RUNX1: variants seen among roughly 807,000 people sequenced by gnomAD.
RUNX1 encodes the protein RUNX family transcription factor 1, also known as runt-related transcription factor 1.
A neutral mutation model predicts 42.8 loss-of-function variants in RUNX1; 19 were observed. That is an observed-to-expected ratio of 0.44 (90% CI 0.31 to 0.65). RUNX1 has a LOEUF of 0.65. Among genes scored for constraint, RUNX1 ranks in the 30% least tolerant of loss-of-function variants. The pLI, the probability that RUNX1 is intolerant of heterozygous loss-of-function variation, is 0.07. For synonymous variants in RUNX1, 271 were observed against 289.4 expected, an observed-to-expected ratio of 0.94 and a Z score of 0.64; for missense variants, 528 against 672.0, an observed-to-expected ratio of 0.79 and a Z score of 2.37.
intron 6 of RUNX1, 30 bp from the exon 7 acceptor site, chr21:34,834,631 T>C (rs777545581): frequency 2.1e-6 from 2 of 974,518 alleles, no homozygotes; most frequent in Non-Finnish European, 3.1e-6. Context: ...GGGGAGGGGA[T>C]GGGGGGAGGG....
In RUNX1 at chr21:35,047,547, A is replaced by ACTCTCTCT. The variant is rs1568814239; in HGVS notation, c.58+1294_58+1295insAGAGAGAG. The stretch of plus-strand genomic sequence containing the variant: ...CACACACACACACACACACACACAC[A>ACTCTCTCT]CACACACACACACACTCTCTCTCTC... On this transcript the variant is annotated intron_variant, in intron 2 of 8. Coordinates refer to ENST00000675419, the MANE Select transcript of RUNX1 (RefSeq NM_001754.5). Among the ~76,000 whole-genome samples, 79 of 123,168 alleles carry ACTCTCTCT rather than the reference A, an allele frequency of 6.4e-4. 1 individual carries two copies. Among genetic ancestry groups the ACTCTCTCT allele is most frequent in the East Asian group, 1.7e-3 (6 of 3,438 alleles). The allele number at this position is 123,168 out of a possible 152,430, so 80.8% of individuals were successfully genotyped here. A position where few individuals can be genotyped will look rare whatever the true frequency, so the allele number is the denominator to read the frequency against.
At chr21:34,922,501 CT>C (rs1169527431) in intron 2 of RUNX1, among the ~76,000 whole-genome samples, 1 of 152,156 alleles carries the variant, frequency 6.6e-6, no homozygotes, top group Non-Finnish European at 1.5e-5. Flanking sequence ...CTTAACTACT[CT>C]GTTACATTGA....
chr21:35,034,742 G>A (rs1405046727), intron 2 of RUNX1, among the ~76,000 whole-genome samples: 1 of 152,168 alleles, frequency 6.6e-6, no homozygotes, highest in Non-Finnish European at 1.5e-5. Context: ...GGCGAGGTCG[G>A]GAAACCCTGT....
At chr21:34,889,685 C>A (rs1327710142) in intron 3 of RUNX1, 4 of 1,164,632 alleles carry the variant, frequency 3.4e-6, no homozygotes, top group African/African-American at 1.6e-5. Context: ...ACCCCGGCTT[C>A]GCGTGCGGGC....
chr21:34,797,895 G>A (rs1323992376), intron 8 of RUNX1, among the ~76,000 whole-genome samples: 2 of 152,176 alleles, frequency 1.3e-5, no homozygotes, highest in Non-Finnish European at 2.9e-5. Context: ...TAACTGGGGT[G>A]AGGGGGATGC....
At chr21:34,823,929 T>A (rs1198321337) in intron 7 of RUNX1, among the ~76,000 whole-genome samples, 1 of 152,198 alleles carries the variant, frequency 6.6e-6, no homozygotes, top group African/African-American at 2.4e-5. Flanking sequence ...CATAACAGGA[T>A]CTACGGAGAT....
At chr21:34,806,732 A>G (rs2056685659) in intron 7 of RUNX1, among the ~76,000 whole-genome samples, 1 of 152,176 alleles carries the variant, frequency 6.6e-6, no homozygotes, top group South Asian at 2.1e-4. Context: ...GCCACAAAAC[A>G]CACTTTAAGA....
intron 2 of RUNX1, among the ~76,000 whole-genome samples, chr21:34,960,212 T>C (rs2058672843): frequency 6.6e-6 from 1 of 152,192 alleles, no homozygotes; most frequent in Non-Finnish European, 1.5e-5. Flanking sequence ...CATTTCCTGT[T>C]CTTCCTGGGT....
At chr21:34,797,315 G>A (rs1326103047) in intron 8 of RUNX1, among the ~76,000 whole-genome samples, 2 of 152,220 alleles carry the variant, frequency 1.3e-5, no homozygotes, top group African/African-American at 2.4e-5. Context: ...GGTGATTGAA[G>A]TCCAGGATAT....
intron 3 of RUNX1, among the ~76,000 whole-genome samples, chr21:34,890,072 C>T (rs1601537022): frequency 6.6e-6 from 1 of 152,124 alleles, no homozygotes; most frequent in Non-Finnish European, 1.5e-5. Context: ...GCCGCTGCCG[C>T]GCAGGGACTG....
chr21:34,835,855 CT>C (rs972697453), intron 6 of RUNX1, among the ~76,000 whole-genome samples: 8 of 152,222 alleles, frequency 5.3e-5, no homozygotes, highest in Non-Finnish European at 1.2e-4. Context: ...CTTGATTCCA[CT>C]CCCGCAGCCT....
At position 35,048,903 on chromosome 21, in the gene RUNX1, T is replaced by C; in HGVS notation, c.-4A>G. 6.2e-7 allele frequency: 1 copy of C among 1,613,820 alleles called. No homozygotes were observed. Among genetic ancestry groups the C allele is most frequent in the Non-Finnish European group, 8.5e-7 (1 of 1,179,788 alleles). On this transcript the variant is annotated 5_prime_UTR_variant, in exon 2 of 9. Coordinates refer to ENST00000675419, the MANE Select transcript of RUNX1 (RefSeq NM_001754.5). ...CAAATATGCTGTCTGAAGCCATCGCTTCCTCCTGAAAATGCACCCTCTTCT... is the reference window on the plus strand; with the variant it reads ...CAAATATGCTGTCTGAAGCCATCGCCTCCTCCTGAAAATGCACCCTCTTCT...
intron 7 of RUNX1, chr21:34,821,355 A>G (rs1253377580): frequency 4.5e-5 from 54 of 1,205,708 alleles, no homozygotes; most frequent in Non-Finnish European, 5.5e-5. Flanking sequence ...TTTGATAAAA[A>G]TATATCTCAA....
At chr21:34,861,628 TC>T (rs2057577536) in intron 5 of RUNX1, among the ~76,000 whole-genome samples, 1 of 151,286 alleles carries the variant, frequency 6.6e-6, no homozygotes, top group South Asian at 2.1e-4. Flanking sequence ...CATACCTGAC[TC>T]CCAGTGTGCA....
chr21:34,984,548 T>C (rs2058870984), intron 2 of RUNX1, among the ~76,000 whole-genome samples: 2 of 152,132 alleles, frequency 1.3e-5, no homozygotes, highest in Non-Finnish European at 2.9e-5. Context: ...GAGGAAGTGG[T>C]GGCAAAAGGA....
intron 6 of RUNX1, among the ~76,000 whole-genome samples, chr21:34,852,591 CA>C (rs1405951704): frequency 6.6e-6 from 1 of 152,188 alleles, no homozygotes; most frequent in African/African-American, 2.4e-5. Flanking sequence ...TTAAAAGTAC[CA>C]GGGGGAAGTT....
rs182599065 is a variant in RUNX1, at chr21:35,017,467, C to T, written c.58+31375G>A. Among the ~76,000 whole-genome samples, 112 of 152,228 alleles carry T rather than the reference C, an allele frequency of 7.4e-4. 3 individuals carry two copies. The highest frequency in any genetic ancestry group is 2.4e-3 in the African/African-American group (99 of 41,532). On this transcript the variant is annotated intron_variant, in intron 2 of 8. Coordinates refer to ENST00000675419, the MANE Select transcript of RUNX1 (RefSeq NM_001754.5). ...TTAGGGATCAGGCTCATTTTACACACGCCTAAGCAACTGGAAAACATGAGA... is the reference window on the plus strand; with the variant it reads ...TTAGGGATCAGGCTCATTTTACACATGCCTAAGCAACTGGAAAACATGAGA...
chr21:34,999,102 G>T (rs1056600339), intron 2 of RUNX1, among the ~76,000 whole-genome samples: 1 of 152,210 alleles, frequency 6.6e-6, no homozygotes, highest in Non-Finnish European at 1.5e-5. Flanking sequence ...CAGGCCTTTG[G>T]GTGAGCAGGG....
intron 6 of RUNX1, among the ~76,000 whole-genome samples, chr21:34,854,500 G>A (rs761648041): frequency 1.1e-4 from 17 of 151,520 alleles, no homozygotes; most frequent in Non-Finnish European, 2.2e-4. Context: ...CAGGAGACTC[G>A]CTAGAACCTG....
Sources: gnomAD v4.1 joint callset for allele counts (sites outside exome capture counted in the v4.1 genomes callset) on GRCh38, gnomAD v4.1.1 for gene constraint, MANE v1.5 for transcripts, NCBI Gene and HGNC (gene_info 2026-07-23, HGNC 2026-07-21) for gene names.